Variants in PIWIL2 observed in about 807,000 individuals in gnomAD.
The protein encoded by PIWIL2 is piwi-like protein 2.
A neutral mutation model predicts 116.5 loss-of-function variants in PIWIL2; 81 were observed. The observed-to-expected ratio is 0.70, with a 90% CI of 0.58 to 0.84. The LOEUF (loss-of-function observed/expected upper bound fraction) is 0.84, where lower values mean the gene tolerates loss of function less well. PIWIL2 is among the 40% of genes least tolerant of loss of function. The pLI, the probability that PIWIL2 is intolerant of heterozygous loss-of-function variation, is 0.00. For synonymous variants in PIWIL2, 489 were observed against 429.5 expected (o/e 1.14, Z -1.71); for missense variants, 1,272 against 1,212.3 (o/e 1.05, Z -0.73).
At chr8:22,281,570 A>T in intron 4 of PIWIL2, 55 bp downstream of exon 4, 8 of 1,405,288 alleles carry the variant, frequency 5.7e-6, no homozygotes, top group Non-Finnish European at 7.7e-6. Flanking sequence ...ATATCTCTGT[A>T]AGTTCAGAGA....
chr8:22,305,494 G>A (rs572012409), intron 12 of PIWIL2, among the ~76,000 whole-genome samples: 1 of 152,160 alleles, frequency 6.6e-6, no homozygotes, highest in South Asian at 2.1e-4. Context: ...GCCTGGCCTA[G>A]ACATTTACTT....
intron 20 of PIWIL2, among the ~76,000 whole-genome samples, chr8:22,323,011 G>C (rs936466949): frequency 6.6e-6 from 1 of 150,932 alleles, no homozygotes; most frequent in Non-Finnish European, 1.5e-5. Flanking sequence ...CCGCCTCCCC[G>C]GTTCAAGCAC....
intron 19 of PIWIL2, among the ~76,000 whole-genome samples, chr8:22,317,098 C>G (rs1325409829): frequency 6.6e-6 from 1 of 152,190 alleles, no homozygotes; most frequent in African/African-American, 2.4e-5. Context: ...ATTTAACAAA[C>G]TTGGCACGGG....
intron 15 of PIWIL2, among the ~76,000 whole-genome samples, 159 bp downstream of exon 15, chr8:22,310,233 T>G (rs1335306265): frequency 1.3e-5 from 2 of 152,186 alleles, no homozygotes; most frequent in Non-Finnish European, 2.9e-5. Context: ...AACAGAGCAG[T>G]TGATGAGTTG....
At chr8:22,282,507 G>A (rs181810738) in intron 4 of PIWIL2, among the ~76,000 whole-genome samples, 4 of 151,926 alleles carry the variant, frequency 2.6e-5, no homozygotes, top group Non-Finnish European at 4.4e-5. Context: ...CTTTAATAAC[G>A]TTGAGTCAAA....
chr8:22,312,968 T>C (rs1017072546), intron 16 of PIWIL2, among the ~76,000 whole-genome samples: 1 of 152,166 alleles, frequency 6.6e-6, no homozygotes, highest in Admixed American at 6.5e-5. Flanking sequence ...TCCATCCTGA[T>C]CTACCATGCC....
chr8:22,330,741 T>TAAATAAATAAAA (rs1482452890), intron 20 of PIWIL2, among the ~76,000 whole-genome samples: 255 of 140,584 alleles, frequency 1.8e-3, no homozygotes, highest in Middle Eastern at 7.3e-3. Context: ...AATAAATAAA[T>TAAATAAATAAAA]AAAAATAGTT....
At position 22,317,970 on chromosome 8, in the gene PIWIL2, C is replaced by T. The variant is rs1039072568; in HGVS notation, c.2298-200C>T. Among the ~76,000 whole-genome samples the T allele has an allele frequency of 5.9e-5, 9 of 152,218 alleles. No homozygotes were observed. The South Asian group carries it at 1.2e-3, about 21-fold the overall frequency. ...GCCACCGCGCTCTGCCACAATTACA[C>T]GTTTTTATGTTCTGCATATGACTTA... On this transcript the variant is annotated intron_variant, in intron 19 of 22. Coordinates refer to ENST00000356766, the MANE Select transcript of PIWIL2 (RefSeq NM_018068.5).
intron 20 of PIWIL2, among the ~76,000 whole-genome samples, chr8:22,335,437 C>G (rs1297027669): frequency 6.6e-6 from 1 of 151,874 alleles, no homozygotes; most frequent in East Asian, 1.9e-4. Context: ...TCATACATAG[C>G]TCACTGCAGC....
At chr8:22,286,053 G>A (rs1586537116) in intron 6 of PIWIL2, among the ~76,000 whole-genome samples, 1 of 152,314 alleles carries the variant, frequency 6.6e-6, no homozygotes, top group East Asian at 1.9e-4. Flanking sequence ...AAAGAGAGGA[G>A]AAAGGAACAG....
chr8:22,276,875 C>T (rs1011753676), intron 1 of PIWIL2, among the ~76,000 whole-genome samples: 1 of 151,188 alleles, frequency 6.6e-6, no homozygotes, highest in Non-Finnish European at 1.5e-5. Flanking sequence ...TTCACTGTAG[C>T]CTGGATGACA....
At chr8:22,280,060 A>C (rs899232064) in intron 2 of PIWIL2, among the ~76,000 whole-genome samples, 3 of 152,196 alleles carry the variant, frequency 2.0e-5, no homozygotes. Flanking sequence ...AAATATTTCA[A>C]ATCTAGAGTT....
At chr8:22,322,150 A>C (rs1831613221) in intron 20 of PIWIL2, among the ~76,000 whole-genome samples, 1 of 151,962 alleles carries the variant, frequency 6.6e-6, no homozygotes, top group Non-Finnish European at 1.5e-5. Context: ...TAGCTGTGTT[A>C]CATAAATGTT....
At position 22,279,578 on chromosome 8, in the gene PIWIL2, A is replaced by G. The variant is rs375757284; in HGVS notation, c.192A>G (p.Ala64=). ...PEEPSTQRGP[A]QRESVGLVSM... Reference sequence around the variant, plus strand: ...AACCAAGCACACAGAGGGGGCCAGCACAAAGGGTAAGACCACTTCCGGATG... The same window carrying G: ...AACCAAGCACACAGAGGGGGCCAGCGCAAAGGGTAAGACCACTTCCGGATG... Residue 64 remains alanine (A), a synonymous_variant, in exon 2 of 23, where the codon GCA becomes GCG. Coordinates refer to ENST00000356766, the MANE Select transcript of PIWIL2 (RefSeq NM_018068.5). 2.5e-6 allele frequency: 4 copies of G among 1,613,948 alleles called. No individual in the cohort carries two copies. The highest frequency in any genetic ancestry group is 2.7e-5 in the African/African-American group (2 of 74,946).
At chr8:22,351,122 G>A (rs1004640743) in intron 20 of PIWIL2, among the ~76,000 whole-genome samples, 2 of 151,886 alleles carry the variant, frequency 1.3e-5, no homozygotes, top group African/African-American at 4.8e-5. Flanking sequence ...CTGCACTTCA[G>A]CCTGGGCAAC....
chr8:22,353,030 T>G lies in PIWIL2; in HGVS notation c.2475T>G (p.Val825=). 1 of 1,613,840 alleles carries G rather than the reference T, an allele frequency of 6.2e-7. No individual in the cohort carries two copies. Among genetic ancestry groups the G allele is most frequent in the Non-Finnish European group, 8.5e-7 (1 of 1,179,678 alleles). ...DGVSDGQLKT[V]ANYEIPQLQK... is the part of the protein sequence containing the mutation. The stretch of plus-strand genomic sequence containing the variant: ...TGTCTGATGGCCAACTGAAGACAGT[T>G]GCCAACTATGAGATTCCTCAACTAC... The change falls in exon 21 of 23, where the codon GTT becomes GTG. Residue 825 remains valine (V), a synonymous_variant. Coordinates refer to ENST00000356766, the MANE Select transcript of PIWIL2 (RefSeq NM_018068.5).
At chr8:22,315,466 G>A (rs772570453) in intron 18 of PIWIL2, among the ~76,000 whole-genome samples, 5 of 151,404 alleles carry the variant, frequency 3.3e-5, no homozygotes, top group Non-Finnish European at 5.9e-5. Context: ...ACAGGTGCCC[G>A]CCACCATACC....
chr8:22,315,138 T>C lies in PIWIL2; in HGVS notation c.2201T>C (p.Ile734Thr). The C allele has an allele frequency of 6.5e-7, 1 of 1,539,614 alleles. No homozygotes were observed. Among genetic ancestry groups the C allele is most frequent in the South Asian group, 1.1e-5 (1 of 89,564 alleles). ...KLGGELWGVD[I>T]PLKQLMVIGM... ...GGTGGTGAGCTCTGGGGAGTGGATA[T>C]TCCTCTGGTGAGTGATGCCGAGATG... The change falls in exon 18 of 23, where the codon ATT becomes ACT. Residue 734 changes from isoleucine (I) to threonine (T), a missense_variant. Transcript: ENST00000356766.
intron 1 of PIWIL2, chr8:22,275,949 G>C (rs528734399): frequency 4.6e-5 from 7 of 152,486 alleles, no homozygotes; most frequent in Admixed American, 3.9e-4. Context: ...ATCTATAGAA[G>C]TGGTGCTGGA....
Sources: allele counts gnomAD v4.1 joint callset (sites outside exome capture counted in the v4.1 genomes callset), GRCh38; gene constraint gnomAD v4.1.1; transcripts MANE v1.5; gene names NCBI Gene and HGNC (gene_info 2026-07-23, HGNC 2026-07-21).